Variants in RAD51B observed in about 807,000 individuals in gnomAD.
RAD51B encodes DNA repair protein RAD51 homolog 2.
RAD51B carries 38 observed loss-of-function variants against 42.2 expected under a neutral mutation model. The observed-to-expected ratio is 0.90, with a 90% CI of 0.70 to 1.18. The LOEUF is 1.18. RAD51B is among the 50% of genes most tolerant of loss of function. RAD51B has a pLI of 0.00. For missense variants in RAD51B, 373 were observed against 400.7 expected (o/e 0.93, Z 0.59); for synonymous variants, 154 against 145.2 (o/e 1.06, Z -0.43).
chr14:68,016,501 T>G (rs2075779975), intron 7 of RAD51B, among the ~76,000 whole-genome samples: 1 of 152,200 alleles, frequency 6.6e-6, no homozygotes, highest in Non-Finnish European at 1.5e-5. Context: ...AATGAGGTGT[T>G]TTGAGTATTT....
At chr14:68,059,982 C>T (rs888527135) in intron 7 of RAD51B, among the ~76,000 whole-genome samples, 1 of 152,132 alleles carries the variant, frequency 6.6e-6, no homozygotes. Flanking sequence ...TGAATTAAAA[C>T]CTGAAATATC....
At chr14:68,581,788 T>C (rs1890219090) in intron 10 of RAD51B, among the ~76,000 whole-genome samples, 1 of 152,180 alleles carries the variant, frequency 6.6e-6, no homozygotes, top group Non-Finnish European at 1.5e-5. Flanking sequence ...CAAAACAGCA[T>C]GGTACTAGTA....
intron 11 of RAD51B, among the ~76,000 whole-genome samples, chr14:68,673,751 A>C (rs1893231951): frequency 6.6e-6 from 1 of 152,110 alleles, no homozygotes. Context: ...TACTGTACAC[A>C]CATATATATA....
chr14:68,230,625 C>A (rs1344808679), intron 7 of RAD51B, among the ~76,000 whole-genome samples: 1 of 152,182 alleles, frequency 6.6e-6, no homozygotes, highest in Non-Finnish European at 1.5e-5. Context: ...ATGTCTACTA[C>A]AAAATCTGTT....
intron 8 of RAD51B, among the ~76,000 whole-genome samples, chr14:68,394,385 G>A (rs1249560380): frequency 6.6e-6 from 1 of 152,124 alleles, no homozygotes; most frequent in Non-Finnish European, 1.5e-5. Flanking sequence ...CTCCGGTGTG[G>A]CACAGCTACA....
At chr14:68,084,120 C>G (rs1357636302) in intron 7 of RAD51B, among the ~76,000 whole-genome samples, 1 of 152,114 alleles carries the variant, frequency 6.6e-6, no homozygotes, top group Non-Finnish European at 1.5e-5. Context: ...CTTATTAGAA[C>G]TTGTTGTAAA....
At chr14:68,602,164 G>A (rs2140095280) in intron 10 of RAD51B, among the ~76,000 whole-genome samples, 1 of 151,984 alleles carries the variant, frequency 6.6e-6, no homozygotes, top group Middle Eastern at 3.4e-3. Flanking sequence ...CCTTCCGTGG[G>A]CCGCTCCAGC....
intron 10 of RAD51B, among the ~76,000 whole-genome samples, chr14:68,560,492 T>C (rs1889088713): frequency 6.6e-6 from 1 of 152,018 alleles, no homozygotes. Context: ...TCCCAGCACT[T>C]TGGGAGGCTG....
At chr14:67,875,945 A>T (rs1003641726) in intron 5 of RAD51B, among the ~76,000 whole-genome samples, 19 of 152,208 alleles carry the variant, frequency 1.2e-4, no homozygotes, top group Admixed American at 1.1e-3. Flanking sequence ...TAGGGGAGAT[A>T]AATTCCCTCT....
At chr14:68,092,299 A>G (rs892224774) in intron 7 of RAD51B, among the ~76,000 whole-genome samples, 2 of 152,134 alleles carry the variant, frequency 1.3e-5, no homozygotes, top group Non-Finnish European at 2.9e-5. Flanking sequence ...CAGTATGGCC[A>G]TTTTCACAAT....
intron 10 of RAD51B, among the ~76,000 whole-genome samples, chr14:68,647,467 T>A (rs932554784): frequency 1.3e-5 from 2 of 152,338 alleles, no homozygotes; most frequent in Middle Eastern, 3.4e-3. Flanking sequence ...AGGTTTTTTT[T>A]AAGTCAGGAA....
chr14:67,910,926 C>T (rs779920840), intron 7 of RAD51B, among the ~76,000 whole-genome samples: 1 of 151,966 alleles, frequency 6.6e-6, no homozygotes, highest in Non-Finnish European at 1.5e-5. Flanking sequence ...TTTCTCTTGC[C>T]TCAGCCTCCT....
At chr14:68,382,630 A>T (rs1163542734) in intron 8 of RAD51B, among the ~76,000 whole-genome samples, 1 of 152,226 alleles carries the variant, frequency 6.6e-6, no homozygotes, top group Non-Finnish European at 1.5e-5. Flanking sequence ...AATCCTAGTC[A>T]TTGGAGTTGA....
chr14:68,292,499 G>C (rs755857457), intron 8 of RAD51B, among the ~76,000 whole-genome samples: 3 of 152,184 alleles, frequency 2.0e-5, no homozygotes, highest in Non-Finnish European at 2.9e-5. Flanking sequence ...CTATGGTTTC[G>C]ATGGCAATAA....
chr14:67,835,254 A>G, intron 4 of RAD51B, 58 bp downstream of exon 4: 2 of 1,230,812 alleles, frequency 1.6e-6, no homozygotes, highest in Admixed American at 2.0e-5. Flanking sequence ...AGAGCTAGGG[A>G]AAAAGTTTAG....
chr14:68,544,770 A>T (rs1888135703), intron 10 of RAD51B, among the ~76,000 whole-genome samples: 1 of 152,224 alleles, frequency 6.6e-6, no homozygotes, highest in South Asian at 2.1e-4. Flanking sequence ...AAGCCTAAAA[A>T]AATGCACAAA....
chr14:67,820,803 A>C (rs973071090), intron 1 of RAD51B, among the ~76,000 whole-genome samples: 1 of 151,792 alleles, frequency 6.6e-6, no homozygotes, highest in African/African-American at 2.4e-5. Flanking sequence ...TGTGCCACGC[A>C]CTCCCCGAGT....
chr14:68,497,374 A>G, intron 10 of RAD51B: 1 of 1,202,370 alleles, frequency 8.3e-7, no homozygotes, highest in African/African-American at 1.6e-5. Context: ...ATTTGATACC[A>G]TGGCACTGAC....
intron 7 of RAD51B, among the ~76,000 whole-genome samples, chr14:68,015,675 C>G (rs956043117): frequency 6.6e-6 from 1 of 152,146 alleles, no homozygotes; most frequent in Non-Finnish European, 1.5e-5. Flanking sequence ...CACTGGGTCC[C>G]TCCCATGACA....
Sources: gnomAD v4.1 joint callset for allele counts (sites outside exome capture counted in the v4.1 genomes callset) on GRCh38, gnomAD v4.1.1 for gene constraint, MANE v1.5 for transcripts, NCBI Gene and HGNC (gene_info 2026-07-23, HGNC 2026-07-21) for gene names.